Variants in NRXN1 observed in about 807,000 individuals in gnomAD.
NRXN1 encodes the protein neurexin 1, also known as neurexin-1.
Under a neutral mutation model 150.9 loss-of-function variants are expected in NRXN1, and 39 were observed. The ratio of observed to expected loss-of-function variants is 0.26; its 90% CI spans 0.20 to 0.34. NRXN1 has a LOEUF of 0.34. Among genes scored for constraint, NRXN1 ranks in the 10% least tolerant of loss-of-function variants. The pLI, the probability that NRXN1 is intolerant of heterozygous loss-of-function variation, is 1.00. For synonymous variants in NRXN1, 924 were observed against 757.0 expected (o/e 1.22, Z -3.62); for missense variants, 1,815 against 1,949.9 (o/e 0.93, Z 1.30).
At chr2:50,208,634 A>T (rs1368027813) in intron 18 of NRXN1, among the ~76,000 whole-genome samples, 1 of 152,002 alleles carries the variant, frequency 6.6e-6, no homozygotes, top group East Asian at 1.9e-4. Context: ...GCTGTACTCC[A>T]CCCTGCTTCC....
chr2:50,917,287 T>G (rs1685347661), intron 5 of NRXN1: 1 of 151,656 alleles, frequency 6.6e-6, no homozygotes, highest in African/African-American at 2.4e-5. Flanking sequence ...ATTTAAGAAT[T>G]TATACAGAAG....
chr2:50,680,662 G>A (rs1189790080), intron 5 of NRXN1, among the ~76,000 whole-genome samples: 1 of 151,536 alleles, frequency 6.6e-6, no homozygotes, highest in Non-Finnish European at 1.5e-5. Flanking sequence ...GATAGAAATT[G>A]TTTTAATATA....
chr2:50,679,264 T>C (rs1690006290), intron 5 of NRXN1, among the ~76,000 whole-genome samples: 1 of 152,132 alleles, frequency 6.6e-6, no homozygotes, highest in Non-Finnish European at 1.5e-5. Context: ...GAGACATCCC[T>C]CTGGAAGGAT....
chr2:50,543,445 G>T (rs2093430334), intron 9 of NRXN1, among the ~76,000 whole-genome samples: 1 of 151,936 alleles, frequency 6.6e-6, no homozygotes, highest in Non-Finnish European at 1.5e-5. Context: ...ATTATTTGTG[G>T]ACATACAACT....
At chr2:50,585,380 T>A (rs1281082964) in intron 8 of NRXN1, among the ~76,000 whole-genome samples, 2 of 152,132 alleles carry the variant, frequency 1.3e-5, no homozygotes, top group Non-Finnish European at 2.9e-5. Context: ...GGGAGAAGAA[T>A]ATGTGGTGTT....
chr2:50,399,756 C>G (rs1007234231), intron 17 of NRXN1, among the ~76,000 whole-genome samples: 2 of 101,142 alleles, frequency 2.0e-5, no homozygotes, highest in African/African-American at 7.7e-5. Flanking sequence ...TACACTATTC[C>G]AAATCTACCC....
At chr2:50,560,512 A>G (rs1668910167) in intron 8 of NRXN1, among the ~76,000 whole-genome samples, 1 of 151,994 alleles carries the variant, frequency 6.6e-6, no homozygotes, top group Non-Finnish European at 1.5e-5. Flanking sequence ...GCAACTATGC[A>G]ACCTCTGCTG....
chr2:50,674,102 A>AAAAG lies in NRXN1; in HGVS notation c.833-50491_833-50488dup, dbSNP rs373025466. Among the ~76,000 whole-genome samples the AAAAG allele has an allele frequency of 4.6e-3, 702 of 152,268 alleles. 5 individuals are homozygous for AAAAG. Among genetic ancestry groups the AAAAG allele is most frequent in the African/African-American group, 0.016 (652 of 41,574 alleles). On this transcript the variant is annotated intron_variant, in intron 5 of 22. Coordinates refer to ENST00000401669, the MANE Select transcript of NRXN1 (RefSeq NM_001330078.2). ...CCCCAGAACTTAAAGTATAATAAAA[A>AAAAG]AAAGGAAAGTAACTCATTAAAATAA...
chr2:50,813,656 A>G (rs768804719), intron 5 of NRXN1, among the ~76,000 whole-genome samples: 18 of 152,212 alleles, frequency 1.2e-4, no homozygotes, highest in Non-Finnish European at 2.4e-4. Context: ...AGTCTGAATC[A>G]GCTAGATATG....
At chr2:50,482,160 A>T (rs2090520714) in intron 15 of NRXN1, among the ~76,000 whole-genome samples, 1 of 152,104 alleles carries the variant, frequency 6.6e-6, no homozygotes, top group African/African-American at 2.4e-5. Context: ...AGGAAGACAG[A>T]TTTTGTTTGT....
At chr2:50,214,893 T>C (rs1665679595) in intron 18 of NRXN1, among the ~76,000 whole-genome samples, 1 of 151,992 alleles carries the variant, frequency 6.6e-6, no homozygotes, top group Non-Finnish European at 1.5e-5. Context: ...AAAGTATTAT[T>C]ATCTCGACTT....
At chr2:50,377,376 C>G (rs769351347) in intron 17 of NRXN1, among the ~76,000 whole-genome samples, 1 of 152,138 alleles carries the variant, frequency 6.6e-6, no homozygotes, top group Admixed American at 6.6e-5. Flanking sequence ...TGTTACTGTG[C>G]TGAGGATAAT....
chr2:49,962,638 C>T lies in NRXN1; in HGVS notation c.4129-18847G>A, dbSNP rs180995383. On this transcript the variant is annotated intron_variant, in intron 21 of 22. Transcript: ENST00000401669. ...ATGATGGAGAGTAACACAAGGGAGT[C>T]CTGTGGTAACGGTAGAGGGTAATAT... Among the ~76,000 whole-genome samples, 410 of 152,176 alleles carry T rather than the reference C, an allele frequency of 2.7e-3. 2 individuals are homozygous for T. The highest frequency in any genetic ancestry group is 3.4e-3 in the Non-Finnish European group (233 of 68,014).
chr2:50,002,548 T>C (rs1231833669), intron 21 of NRXN1, among the ~76,000 whole-genome samples: 1 of 152,142 alleles, frequency 6.6e-6, no homozygotes, highest in East Asian at 1.9e-4. Flanking sequence ...CAAAACAATA[T>C]GAACTAGAAA....
chr2:49,930,640 G>A (rs1043606985), intron 22 of NRXN1, among the ~76,000 whole-genome samples: 1 of 152,076 alleles, frequency 6.6e-6, no homozygotes, highest in Admixed American at 6.5e-5. Context: ...TCATCCAATA[G>A]TTTTGTCTTT....
At chr2:50,156,330 T>A (rs2059020243) in intron 18 of NRXN1, among the ~76,000 whole-genome samples, 1 of 152,000 alleles carries the variant, frequency 6.6e-6, no homozygotes, top group Non-Finnish European at 1.5e-5. Flanking sequence ...TAATACAGTG[T>A]ATGAGAAAGG....
chr2:50,057,965 GA>G (rs1693906799), intron 19 of NRXN1, among the ~76,000 whole-genome samples: 2 of 152,054 alleles, frequency 1.3e-5, no homozygotes, highest in African/African-American at 4.8e-5. Context: ...TATTAGTAGG[GA>G]AAGGTTGGGG....
At position 50,467,583 on chromosome 2, in the gene NRXN1, G is replaced by A. The variant is rs538477634; in HGVS notation, c.3245-2022C>T. The stretch of plus-strand genomic sequence containing the variant: ...TTAGTAAAGATACTCTTTATTGAAT[G>A]TTATTGAATTTAGCCTAGCCTCTGA... On this transcript the variant is annotated intron_variant, in intron 16 of 22. Transcript: ENST00000401669. Among the ~76,000 whole-genome samples, 10 of 151,394 alleles carry A rather than the reference G, an allele frequency of 6.6e-5. No individual in the cohort carries two copies. In the South Asian group the frequency reaches 2.1e-3, roughly 32 times the overall value.
chr2:50,036,464 C>G (rs1305156819), intron 21 of NRXN1, among the ~76,000 whole-genome samples: 1 of 152,110 alleles, frequency 6.6e-6, no homozygotes, highest in Non-Finnish European at 1.5e-5. Flanking sequence ...TACAAGGCTT[C>G]TAATTGTTAT....
Sources: gnomAD v4.1 joint callset for allele counts (sites outside exome capture counted in the v4.1 genomes callset) on GRCh38, gnomAD v4.1.1 for gene constraint, MANE v1.5 for transcripts, NCBI Gene and HGNC (gene_info 2026-07-23, HGNC 2026-07-21) for gene names.